The following ZNF469 variants were observed in gnomAD, a reference collection of about 807,000 sequenced individuals.
ZNF469 encodes the protein zinc finger protein 469.
ZNF469 carries 1 observed loss-of-function variant against 1.0 expected under a neutral mutation model. The ratio of observed to expected loss-of-function variants is 1.00; its 90% CI spans 0.35 to 4.73. The LOEUF is 4.73. Among genes scored for constraint, ZNF469 ranks in the 30% most tolerant of loss-of-function variants. The pLI is 0.16. For missense variants in ZNF469, 6,100 were observed against 5,356.3 expected, an observed-to-expected ratio of 1.14 and a Z score of -4.33; for synonymous variants, 2,703 against 2,363.4, an observed-to-expected ratio of 1.14 and a Z score of -4.17.
At chr16:88,262,835 C>T in the ZNF469 span, among the ~76,000 whole-genome samples, 1 of 152,006 alleles carries the variant, frequency 6.6e-6, no homozygotes, top group Admixed American at 6.5e-5. The surrounding 1 kb of genome is among the most constrained non-coding windows in gnomAD (Gnocchi z 4.3). Flanking sequence ...AGTGGTTTAT[C>T]TTGGGAATTA....
At chr16:88,115,548 G>T in the ZNF469 span, among the ~76,000 whole-genome samples, 1 of 151,838 alleles carries the variant, frequency 6.6e-6, no homozygotes, top group African/African-American at 2.4e-5. Context: ...AATATGCACC[G>T]TCCAGGACGG....
chr16:88,206,671 C>T, the ZNF469 span, among the ~76,000 whole-genome samples: 1 of 151,692 alleles, frequency 6.6e-6, no homozygotes, highest in East Asian at 1.9e-4. Context: ...AACCCTGCGT[C>T]TTTCTTTCTT....
the ZNF469 span, among the ~76,000 whole-genome samples, chr16:88,132,669 G>C: frequency 1.3e-5 from 2 of 151,946 alleles, no homozygotes; most frequent in Non-Finnish European, 2.9e-5. Context: ...TTCATCTTAC[G>C]AGAGCAGATT....
chr16:88,295,521 G>A, the ZNF469 span, among the ~76,000 whole-genome samples: 5 of 152,180 alleles, frequency 3.3e-5, no homozygotes, highest in Admixed American at 6.5e-5. Context: ...TGGAGAGGGC[G>A]TCAACGGCTG....
the ZNF469 span, among the ~76,000 whole-genome samples, chr16:88,271,355 C>T: frequency 1.1e-4 from 14 of 132,600 alleles, 3 homozygotes; most frequent in African/African-American, 1.2e-4. Flanking sequence ...GGGTCAGAGG[C>T]GGCTTCGCAG....
chr16:88,120,080 G>C, the ZNF469 span, among the ~76,000 whole-genome samples: 2 of 152,224 alleles, frequency 1.3e-5, no homozygotes, highest in African/African-American at 4.8e-5. Flanking sequence ...GCTGCACCGG[G>C]TAGAGTGTGC....
chr16:88,245,774 C>T, the ZNF469 span, among the ~76,000 whole-genome samples: 1 of 152,394 alleles, frequency 6.6e-6, no homozygotes, highest in East Asian at 1.9e-4. Flanking sequence ...CAGAGCTGCT[C>T]TGGGAACTCT....
the ZNF469 span, among the ~76,000 whole-genome samples, chr16:88,253,346 A>T: frequency 3.9e-5 from 6 of 152,112 alleles, no homozygotes; most frequent in Non-Finnish European, 8.8e-5. Flanking sequence ...CCGCTTCATT[A>T]CCTACACTTG....
the ZNF469 span, among the ~76,000 whole-genome samples, chr16:88,263,197 A>G: frequency 6.6e-6 from 1 of 152,186 alleles, no homozygotes; most frequent in East Asian, 1.9e-4. Context: ...CCCGGACGAT[A>G]CTGCGTCTCC....
chr16:88,119,088 C>A, the ZNF469 span, among the ~76,000 whole-genome samples: 74 of 152,338 alleles, frequency 4.9e-4, no homozygotes, highest in African/African-American at 1.8e-3. Context: ...ACTCGTAACT[C>A]TTGGGCTTGT....
chr16:88,315,974 G>A, the ZNF469 span, among the ~76,000 whole-genome samples: 890 of 152,276 alleles, frequency 5.8e-3, 5 homozygotes, highest in African/African-American at 0.02. Context: ...CACCCCCGGC[G>A]CCTGCACCAC....
the ZNF469 span, among the ~76,000 whole-genome samples, chr16:88,223,371 C>G: frequency 6.6e-6 from 1 of 152,348 alleles, no homozygotes; most frequent in African/African-American, 2.4e-5. Flanking sequence ...TCCCCAGACA[C>G]ATGGAACTGT....
intron 1 of ZNF469, among the ~76,000 whole-genome samples, chr16:88,396,031 C>T (rs192238173): frequency 6.6e-6 from 1 of 152,362 alleles, no homozygotes; most frequent in East Asian, 1.9e-4. Context: ...GGTCTGAGGG[C>T]GGACACGGGA....
At chr16:88,300,633 C>T in the ZNF469 span, among the ~76,000 whole-genome samples, 331 of 152,180 alleles carry the variant, frequency 2.2e-3, 1 homozygote, top group African/African-American at 7.8e-3. Flanking sequence ...GCATAGAGCA[C>T]GTGATTCCCC....
At chr16:88,408,141 C>A (rs1905064578) in intron 1 of ZNF469, among the ~76,000 whole-genome samples, 2 of 152,168 alleles carry the variant, frequency 1.3e-5, no homozygotes, top group South Asian at 4.2e-4. Context: ...CCCCTTAGTA[C>A]TTTTTTTTGT....
At chr16:88,170,524 GA>G in the ZNF469 span, among the ~76,000 whole-genome samples, 1 of 152,184 alleles carries the variant, frequency 6.6e-6, no homozygotes, top group East Asian at 1.9e-4. The surrounding 1 kb of genome is among the most constrained non-coding windows in gnomAD (Gnocchi z 4.2). Flanking sequence ...ATGTAAGTGA[GA>G]TCGTGCAGTG....
intron 1 of ZNF469, among the ~76,000 whole-genome samples, chr16:88,416,073 G>A (rs541630192): frequency 6.6e-5 from 10 of 152,264 alleles, no homozygotes; most frequent in South Asian, 6.2e-4. Context: ...ATATGATTCC[G>A]AACCCCACAG....
At chr16:88,232,743 TGTTTG>T in the ZNF469 span, among the ~76,000 whole-genome samples, 1 of 152,228 alleles carries the variant, frequency 6.6e-6, no homozygotes, top group Admixed American at 6.5e-5. Context: ...GGGTCGGGTC[TGTTTG>T]GCAGCATTGC....
chr16:88,319,081 G>A, the ZNF469 span, among the ~76,000 whole-genome samples: 1 of 152,202 alleles, frequency 6.6e-6, no homozygotes, highest in Non-Finnish European at 1.5e-5. Flanking sequence ...GCTGGGGCAG[G>A]ATGGGACTCT....
Sources: gnomAD v4.1 joint callset for allele counts (sites outside exome capture counted in the v4.1 genomes callset) on GRCh38, gnomAD v4.1.1 for gene constraint, Gnocchi (gnomAD v3.1) non-coding constraint, MANE v1.5 for transcripts, NCBI Gene and HGNC (gene_info 2026-07-23, HGNC 2026-07-21) for gene names.